Variants in ARHGEF10L observed in about 807,000 individuals in gnomAD.
The protein encoded by ARHGEF10L is rho guanine nucleotide exchange factor 10-like protein.
ARHGEF10L carries 69 observed loss-of-function variants against 141.2 expected under a neutral mutation model. That is an observed-to-expected ratio of 0.49 (90% CI 0.40 to 0.60). ARHGEF10L has a LOEUF of 0.60. Among genes scored for constraint, ARHGEF10L ranks in the 20% least tolerant of loss-of-function variants. The pLI is 0.00. For synonymous variants in ARHGEF10L, 711 were observed against 718.5 expected (o/e 0.99, Z 0.17); for missense variants, 1,482 against 1,734.3 (o/e 0.85, Z 2.58).
intron 17 of ARHGEF10L, 21 bp downstream of exon 17, chr1:17,634,583 CGG>C (rs2060889535): frequency 1.2e-6 from 2 of 1,613,006 alleles, no homozygotes; most frequent in African/African-American, 2.7e-5. Context: ...CAGGGGGCTC[CGG>C]GGCTCTGGGG....
At chr1:17,562,719 G>GGGA (rs2100847200) in intron 1 of ARHGEF10L, among the ~76,000 whole-genome samples, 1 of 152,366 alleles carries the variant, frequency 6.6e-6, no homozygotes, top group Non-Finnish European at 1.5e-5. Context: ...CTGGTTGTGA[G>GGGA]CTGAGGCTGC....
chr1:17,545,705 T>G (rs1400247097), intron 1 of ARHGEF10L, among the ~76,000 whole-genome samples: 1 of 152,202 alleles, frequency 6.6e-6, no homozygotes, highest in East Asian at 1.9e-4. Flanking sequence ...CCTGTCCATA[T>G]GGATTCAGGA....
chr1:17,634,792 T>C, intron 17 of ARHGEF10L, 43 bp from the exon 18 acceptor site: 1 of 1,558,592 alleles, frequency 6.4e-7, no homozygotes, highest in East Asian at 2.4e-5. Context: ...TGGGGCAGGG[T>C]GGCTGCAGCC....
intron 2 of ARHGEF10L, among the ~76,000 whole-genome samples, chr1:17,583,428 C>A (rs67585269): frequency 0.24 from 36,899 of 152,016 alleles, 4,736 homozygotes; most frequent in Middle Eastern, 0.3. Context: ...TAATAATAAG[C>A]AGAATCATCA....
Position 17,572,412 on chromosome 1 carries a change from TGTGCTTTAG to T in ARHGEF10L, c.-43-8137_-43-8129del, listed in dbSNP as rs2078041252. 2.6e-5 allele frequency among the ~76,000 whole-genome samples: 4 copies of T among 152,270 alleles called. No homozygotes were observed. The South Asian group carries it at 8.3e-4, about 32-fold the overall frequency. On this transcript the variant is annotated intron_variant, in intron 1 of 28. Transcript: ENST00000361221. Reference sequence around the variant, plus strand: ...GGGCCCCTTCCTGCTGTCCCTCTGTTGTGCTTTAGGTGAGTTCCTGCCCAGGGCTGGGCC... The same window carrying T: ...GGGCCCCTTCCTGCTGTCCCTCTGTTGTGAGTTCCTGCCCAGGGCTGGGCC...
In ARHGEF10L at chr1:17,627,266, T is replaced by C. The variant is rs2060440291; in HGVS notation, c.1411-64T>C. 2.5e-6 allele frequency: 4 copies of C among 1,575,780 alleles called. No homozygotes were observed. Among genetic ancestry groups the C allele is most frequent in the Non-Finnish European group, 2.6e-6 (3 of 1,155,518 alleles). On this transcript the variant is annotated intron_variant, in intron 14 of 28. Transcript: ENST00000361221. This position sits in a 1 kb window ranked among gnomAD's most constrained non-coding sequence, Gnocchi z 4.0. ...GTAGGGGGTTGCGCAGGGTGAGGCT[T>C]TGCCCCAGGCTGGGGTAGAGTTGGT... is the stretch of plus-strand genomic sequence containing the variant.
intron 26 of ARHGEF10L, among the ~76,000 whole-genome samples, chr1:17,678,530 C>T (rs567400226): frequency 3.3e-5 from 5 of 151,898 alleles, no homozygotes; most frequent in South Asian, 2.1e-4. Context: ...GGCGACTCTC[C>T]GGTCTCAGCC....
chr1:17,640,079 T>A, intron 20 of ARHGEF10L, 123 bp from the exon 21 acceptor site: 1 of 1,483,006 alleles, frequency 6.7e-7, no homozygotes, highest in Non-Finnish European at 9.0e-7. Flanking sequence ...GTTTTGGGGA[T>A]GCTCTGACCA....
intron 4 of ARHGEF10L, among the ~76,000 whole-genome samples, chr1:17,594,816 G>A (rs1032754397): frequency 2.0e-5 from 3 of 152,178 alleles, no homozygotes; most frequent in African/African-American, 7.2e-5. Flanking sequence ...AAAGCAGGGT[G>A]ATGAGACTCA....
chr1:17,613,260 C>A, intron 8 of ARHGEF10L, 86 bp downstream of exon 8: 2 of 1,153,622 alleles, frequency 1.7e-6, no homozygotes, highest in Non-Finnish European at 1.3e-6. Flanking sequence ...TGCCCTGGTA[C>A]CACGAAGCCT....
intron 1 of ARHGEF10L, among the ~76,000 whole-genome samples, chr1:17,547,736 G>A (rs1261162185): frequency 3.3e-5 from 5 of 152,152 alleles, no homozygotes; most frequent in South Asian, 2.1e-4. Context: ...TACATGTATC[G>A]CATGACCACT....
At chr1:17,691,544 G>C (rs1044258581) in intron 27 of ARHGEF10L, among the ~76,000 whole-genome samples, 24 of 152,022 alleles carry the variant, frequency 1.6e-4, no homozygotes, top group African/African-American at 5.3e-4. Context: ...CCCCTCTCTT[G>C]GCTTAATTGT....
At chr1:17,676,013 G>A (rs2063670542) in intron 26 of ARHGEF10L, among the ~76,000 whole-genome samples, 1 of 142,140 alleles carries the variant, frequency 7.0e-6, no homozygotes, top group African/African-American at 2.6e-5. Flanking sequence ...TGCAGGTGTG[G>A]ATGCAGGTAT....
chr1:17,656,469 GC>G lies in ARHGEF10L; in HGVS notation c.2706-82del. 6.7e-7 allele frequency: 1 copy of G among 1,499,914 alleles called. No homozygotes were observed. Among genetic ancestry groups the G allele is most frequent in the Admixed American group, 1.9e-5 (1 of 52,088 alleles). The allele number at this position is 1,499,914 out of a possible 1,614,324, so 92.9% of individuals were successfully genotyped here. A position where few individuals can be genotyped will look rare whatever the true frequency, so the allele number is the denominator to read the frequency against. ...GGCTGAGAGGGGTCAGCTCCCTGGG[GC>G]CCTCTCCCTAGGAGGGCATGGGGGC... On this transcript the variant is annotated intron_variant, in intron 24 of 28. Coordinates refer to ENST00000361221, the MANE Select transcript of ARHGEF10L (RefSeq NM_018125.4). The surrounding 1 kb of genome is among the most constrained non-coding windows in gnomAD (Gnocchi z 4.9).
intron 21 of ARHGEF10L, among the ~76,000 whole-genome samples, chr1:17,641,413 C>CCT (rs1246655551): frequency 6.6e-6 from 1 of 151,868 alleles, no homozygotes; most frequent in Non-Finnish European, 1.5e-5. Flanking sequence ...GGGTGGATCA[C>CCT]AAGGTCAGGA....
intron 21 of ARHGEF10L, among the ~76,000 whole-genome samples, chr1:17,643,015 C>T (rs928431944): frequency 1.4e-4 from 21 of 152,242 alleles, no homozygotes; most frequent in African/African-American, 4.8e-4. Context: ...GCCTTATCTC[C>T]ACACAGCTTC....
chr1:17,527,289 G>A, the ARHGEF10L span, among the ~76,000 whole-genome samples: 1 of 152,240 alleles, frequency 6.6e-6, no homozygotes, highest in African/African-American at 2.4e-5. Context: ...GAATTCATGT[G>A]GTCGGAGGAT....
At chr1:17,651,182 C>G (rs574591644) in intron 22 of ARHGEF10L, among the ~76,000 whole-genome samples, 7 of 152,142 alleles carry the variant, frequency 4.6e-5, no homozygotes, top group Admixed American at 4.6e-4. Context: ...TTTTTGGTGC[C>G]CTTTTAAATT....
chr1:17,628,548 G>A (rs1333709233), intron 15 of ARHGEF10L, among the ~76,000 whole-genome samples: 1 of 152,064 alleles, frequency 6.6e-6, no homozygotes, highest in Non-Finnish European at 1.5e-5. Context: ...GGTAGGGGAG[G>A]GCTGGGATAG....
Sources: allele counts gnomAD v4.1 joint callset (sites outside exome capture counted in the v4.1 genomes callset), GRCh38; gene constraint gnomAD v4.1.1; non-coding constraint Gnocchi (gnomAD v3.1); transcripts MANE v1.5; gene names NCBI Gene and HGNC (gene_info 2026-07-23, HGNC 2026-07-21).